ZNF398: variants seen among roughly 807,000 people sequenced by gnomAD.
ZNF398 encodes zinc finger DNA binding protein ZER6.
In ZNF398, 18 loss-of-function variants were observed where a neutral mutation model predicts 41.9. That is an observed-to-expected ratio of 0.43 (90% CI 0.30 to 0.64). ZNF398 has a LOEUF of 0.64. Ranked by LOEUF, ZNF398 falls within the 30% of genes least tolerant of loss-of-function variation. ZNF398 has a pLI of 0.14. For missense variants in ZNF398, 669 were observed against 822.8 expected (o/e 0.81, Z 2.29); for synonymous variants, 260 against 308.8 (o/e 0.84, Z 1.66).
chr7:149,142,401 C>T (rs1826844067), intron 2 of ZNF398, among the ~76,000 whole-genome samples: 1 of 152,206 alleles, frequency 6.6e-6, no homozygotes, highest in African/African-American at 2.4e-5. Context: ...GGAGTGGTGG[C>T]TCACGCCTGT....
chr7:149,139,731 C>T lies in ZNF398; in HGVS notation c.-490+10787C>T, dbSNP rs545347781. ...ATAAATAAATAAAAATTTGGCCGGGCGTGGTGGCTCACGCCTGTAATCCCA... is the reference window on the plus strand; with the variant it reads ...ATAAATAAATAAAAATTTGGCCGGGTGTGGTGGCTCACGCCTGTAATCCCA... On this transcript the variant is annotated intron_variant, in intron 2 of 6. Transcript: ENST00000426851. Among the ~76,000 whole-genome samples, 11 of 149,652 alleles carry T rather than the reference C, an allele frequency of 7.4e-5. No homozygotes were observed. In the South Asian group the frequency reaches 2.1e-3, roughly 29 times the overall value.
Position 149,166,160 on chromosome 7 carries a change from G to C in ZNF398, c.423G>C (p.Val141=). Residue 141 remains valine (V), a splice_region_variant and synonymous_variant, in exon 3 of 6, where the codon GTG becomes GTC. Transcript: ENST00000475153. The part of the protein sequence containing the change: ...PPGIKGDIPK[V]PVAFDDVSIY... ...AACCCATGTGATTGTAATTTTAGGT[G>C]CCTGTGGCATTTGATGATGTCTCCA... The C allele has an allele frequency of 6.2e-7, 1 of 1,613,612 alleles. No homozygotes were observed.
upstream of ZNF398, among the ~76,000 whole-genome samples, chr7:149,145,487 TC>T (rs1826918413): frequency 6.6e-6 from 1 of 152,218 alleles, no homozygotes; most frequent in South Asian, 2.1e-4. Flanking sequence ...TTGATTTGCA[TC>T]CCTGTTGTTC....
At position 149,153,991 on chromosome 7, in the gene ZNF398, C is replaced by G. The variant is rs746589214; in HGVS notation, c.71C>G (p.Pro24Arg). The change falls in exon 2 of 6, where the codon CCT (proline) becomes CGT (arginine). Residue 24 changes from proline to arginine, a missense_variant. This residue lies in a region of ZNF398 where 169 missense variants were observed against 239.5 expected (regional missense o/e 0.71). Transcript: ENST00000475153. Reference protein sequence around the residue: ...SECLTSLQPLPLPTPPAANEA... With the variant: ...SECLTSLQPLRLPTPPAANEA... ...TGCCTTACATCCCTGCAGCCCCTTCCTCTTCCTACACCCCCAGCAGCAAAT... is the reference window on the plus strand; with the variant it reads ...TGCCTTACATCCCTGCAGCCCCTTCGTCTTCCTACACCCCCAGCAGCAAAT... The G allele has an allele frequency of 5.0e-6, 8 of 1,613,950 alleles. No homozygotes were observed. The Admixed American group carries it at 1.2e-4, about 24-fold the overall frequency.
chr7:149,152,306 G>T (rs1827138133), intron 1 of ZNF398, among the ~76,000 whole-genome samples: 1 of 145,660 alleles, frequency 6.9e-6, no homozygotes, highest in Non-Finnish European at 1.5e-5. Flanking sequence ...TGTCACCCAG[G>T]CTGGAGTGCA....
rs970106718 is a variant in ZNF398 at position 149,166,178 on chromosome 7, T to G, written c.441T>G (p.Asp147Glu). The G allele has an allele frequency of 6.2e-7, 1 of 1,613,846 alleles. No individual in the cohort carries two copies. Among genetic ancestry groups the G allele is most frequent in the Admixed American group, 1.7e-5 (1 of 59,946 alleles). Residue 147 changes from aspartate to glutamate, a missense_variant, in exon 3 of 6, where the codon GAT becomes GAG. Physicochemically the swap from Asp to Glu is conservative, Grantham distance 45. Transcript: ENST00000475153. ...DIPKVPVAFD[D>E]VSIYFSTPEW... ...TTTAGGTGCCTGTGGCATTTGATGA[T>G]GTCTCCATCTACTTTTCCACTCCAG...
intron 4 of ZNF398, among the ~76,000 whole-genome samples, chr7:149,170,851 C>CTAGGCTG (rs1051046211): frequency 2.4e-4 from 36 of 152,100 alleles, no homozygotes; most frequent in African/African-American, 7.5e-4. Context: ...TAGGACATTA[C>CTAGGCTG]TAGGCTGTAG....
upstream of ZNF398, among the ~76,000 whole-genome samples, chr7:149,146,340 C>G (rs1826941855): frequency 6.6e-6 from 1 of 152,054 alleles, no homozygotes; most frequent in South Asian, 2.1e-4. Flanking sequence ...GGCAACATAG[C>G]GAGACCCTGT....
At chr7:149,137,697 ATGT>A (rs1486533062) in intron 2 of ZNF398, among the ~76,000 whole-genome samples, 1 of 152,084 alleles carries the variant, frequency 6.6e-6, no homozygotes, top group Non-Finnish European at 1.5e-5. Context: ...ACTTTTTATC[ATGT>A]TGTGCTAATT....
intron 2 of ZNF398, among the ~76,000 whole-genome samples, chr7:149,132,696 T>A (rs986805531): frequency 2.0e-5 from 3 of 152,096 alleles, no homozygotes; most frequent in Non-Finnish European, 4.4e-5. Flanking sequence ...TTAATGCAAA[T>A]GAGCTTTCCA....
intron 2 of ZNF398, among the ~76,000 whole-genome samples, chr7:149,160,365 A>G (rs1352131566): frequency 6.6e-6 from 1 of 152,190 alleles, no homozygotes; most frequent in Non-Finnish European, 1.5e-5. Flanking sequence ...TGGGAAGCGG[A>G]GCTTGCAGTG....
At chr7:149,160,254 C>G (rs532686735) in intron 2 of ZNF398, among the ~76,000 whole-genome samples, 2 of 151,964 alleles carry the variant, frequency 1.3e-5, no homozygotes, top group Admixed American at 1.3e-4. Flanking sequence ...CTGGCTGACA[C>G]GGGGGTCTCA....
At chr7:149,177,468 A>G (rs148395230) in intron 5 of ZNF398, among the ~76,000 whole-genome samples, 262 of 152,312 alleles carry the variant, frequency 1.7e-3, no homozygotes, top group Non-Finnish European at 1.7e-3. Flanking sequence ...GTTTTAGTTT[A>G]GGTATTTAGA....
At chr7:149,127,314 A>T (rs903873813) in intron 1 of ZNF398, among the ~76,000 whole-genome samples, 3 of 151,770 alleles carry the variant, frequency 2.0e-5, no homozygotes, top group Non-Finnish European at 4.4e-5. Context: ...GTCCCTGCAT[A>T]GGCTGAGGAG....
intron 2 of ZNF398, among the ~76,000 whole-genome samples, chr7:149,138,671 A>G (rs1431001577): frequency 6.6e-6 from 1 of 152,208 alleles, no homozygotes. Context: ...ATACATATAT[A>G]TATTTATATA....
At chr7:149,173,144 G>T (rs948222168) in intron 4 of ZNF398, among the ~76,000 whole-genome samples, 28 of 116,662 alleles carry the variant, frequency 2.4e-4, no homozygotes, top group African/African-American at 9.1e-4. Flanking sequence ...CTGCTCTGTC[G>T]CCCAGACTGG....
chr7:149,171,139 C>T (rs962924968), intron 4 of ZNF398, among the ~76,000 whole-genome samples: 59 of 150,886 alleles, frequency 3.9e-4, no homozygotes, highest in Admixed American at 2.8e-3. Flanking sequence ...TGAGCCACCG[C>T]GCCTGGCCAA....
chr7:149,136,438 ATC>A lies in ZNF398; in HGVS notation c.-490+7496_-490+7497del, dbSNP rs1258105128. ...TCCTCACTTCCCAGTTTAAATTTAT[ATC>A]TGTTATCTGTTTTTATTTACTTTGT... On this transcript the variant is annotated intron_variant, in intron 2 of 6. Transcript: ENST00000426851. 9.2e-5 allele frequency among the ~76,000 whole-genome samples: 14 copies of A among 152,318 alleles called. No homozygotes were observed. In the East Asian group the frequency reaches 2.7e-3, roughly 29 times the overall value.
intron 4 of ZNF398, among the ~76,000 whole-genome samples, chr7:149,175,390 T>C (rs1450936313): frequency 6.6e-6 from 1 of 152,092 alleles, no homozygotes; most frequent in Non-Finnish European, 1.5e-5. Flanking sequence ...TTGTAATAGC[T>C]AGCACAGCTG....
Sources: allele counts gnomAD v4.1 joint callset (sites outside exome capture counted in the v4.1 genomes callset), GRCh38; gene constraint gnomAD v4.1.1; regional missense constraint gnomAD v4.1.1; transcripts MANE v1.5; gene names NCBI Gene and HGNC (gene_info 2026-07-23, HGNC 2026-07-21).